The following TEX30 variants were observed in gnomAD, a reference collection of about 807,000 sequenced individuals.
TEX30 encodes the protein testis expressed 30.
Under a neutral mutation model 23.8 loss-of-function variants are expected in TEX30, and 14 were observed. That is an observed-to-expected ratio of 0.59 (90% confidence interval 0.39 to 0.92). The LOEUF is 0.92. Ranked by LOEUF, TEX30 falls within the 40% of genes least tolerant of loss-of-function variation. The pLI is 0.00. For missense variants in TEX30, 246 were observed against 270.6 expected, an observed-to-expected ratio of 0.91 and a Z score of 0.64; for synonymous variants, 78 against 90.2, an observed-to-expected ratio of 0.87 and a Z score of 0.76.
At position 102,767,292 on chromosome 13, in the gene TEX30, G is replaced by A. The variant is rs891979476; in HGVS notation, c.485C>T (p.Ala162Val). ...ATTCACCTTTTCACACATTTCATCT[G>A]CTGAGCCTGACACAAACAGTACAGG... ...KEPVLFVSGS[A>V]DEMCEKNLLE... Residue 162 changes from alanine (A) to valine (V), a missense_variant, in exon 5 of 6, where the codon GCA becomes GTA. Physicochemically the swap from Ala to Val is moderately conservative, Grantham distance 64 (BLOSUM62 0). Transcript: ENST00000376032. 3.1e-6 allele frequency: 5 copies of A among 1,613,436 alleles called. No individual in the cohort carries two copies. The East Asian group carries it at 1.1e-4, about 36-fold the overall frequency.
Position 102,767,335 on chromosome 13 carries a change from G to C in TEX30, c.442C>G (p.Leu148Val), listed in dbSNP as rs1480573826. ...AGTACAGGCTCTTTTAAACGAAAGA[G>C]GTCTTCATCTCTGAGTTTATGCTGC... The part of the protein sequence containing the change: ...KQQHKLRDED[L>V]FRLKEPVLFV... The change falls in exon 5 of 6, where the codon CTC (leucine) becomes GTC (valine). Residue 148 changes from leucine (L) to valine (V), a missense_variant. Leu to Val is a conservative substitution (Grantham distance 32). Coordinates refer to ENST00000376032, the MANE Select transcript of TEX30 (RefSeq NM_138779.5). 1.2e-6 allele frequency: 2 copies of C among 1,613,964 alleles called. No homozygotes were observed. The highest frequency in any genetic ancestry group is 1.7e-6 in the Non-Finnish European group (2 of 1,180,034).
chr13:102,770,397 G>T (rs1275924779), intron 1 of TEX30: 7 of 162,108 alleles, frequency 4.3e-5, no homozygotes, highest in Non-Finnish European at 8.0e-5. Flanking sequence ...ACACATTTTT[G>T]TAAGAATCTT....
At chr13:102,766,708 A>G in intron 5 of TEX30, 128 bp from the exon 6 acceptor site, 2 of 812,142 alleles carry the variant, frequency 2.5e-6, no homozygotes, top group Non-Finnish European at 3.6e-6. Flanking sequence ...ACAACTTTCT[A>G]GGTAATAGAA....
chr13:102,773,264 G>A (rs1877455472), intron 1 of TEX30, among the ~76,000 whole-genome samples: 1 of 152,200 alleles, frequency 6.6e-6, no homozygotes, highest in African/African-American at 2.4e-5. Flanking sequence ...AATTCAAAGC[G>A]GGTCTCACGG....
Position 102,767,261 on chromosome 13 carries a change from G to A in TEX30, c.504+12C>T, listed in dbSNP as rs2139023184. 1 of 1,608,318 alleles carries A rather than the reference G, an allele frequency of 6.2e-7. No individual in the cohort carries two copies. Among genetic ancestry groups the A allele is most frequent in the African/African-American group, 1.3e-5 (1 of 74,922 alleles). On this transcript the variant is annotated intron_variant, in intron 5 of 5. Transcript: ENST00000376032. ...TCTCTTTCATTGACACAAACATTGA[G>A]TTATAATTCACCTTTTCACACATTT...
intron 1 of TEX30, among the ~76,000 whole-genome samples, chr13:102,771,943 T>G (rs1877351457): frequency 6.6e-6 from 1 of 152,234 alleles, no homozygotes; most frequent in Non-Finnish European, 1.5e-5. Flanking sequence ...TTGAAGATTC[T>G]GTGGTTAATA....
chr13:102,767,881 C>A (rs1328721457), intron 4 of TEX30, among the ~76,000 whole-genome samples: 2 of 152,022 alleles, frequency 1.3e-5, no homozygotes, highest in African/African-American at 4.8e-5. Flanking sequence ...CCACTGCACT[C>A]CAGCCTGGGT....
chr13:102,769,093 C>T (rs1390732234), intron 3 of TEX30, among the ~76,000 whole-genome samples: 2 of 152,102 alleles, frequency 1.3e-5, no homozygotes, highest in African/African-American at 2.4e-5. Flanking sequence ...GGCAATATCA[C>T]GGAGGAACAT....
chr13:102,768,593 T>C (rs1389595112), intron 3 of TEX30, among the ~76,000 whole-genome samples: 1 of 152,240 alleles, frequency 6.6e-6, no homozygotes, highest in Non-Finnish European at 1.5e-5. Context: ...TAGAGAATTA[T>C]TTTTTAAAAA....
At chr13:102,767,964 A>G (rs1877025825) in intron 4 of TEX30, among the ~76,000 whole-genome samples, 1 of 152,160 alleles carries the variant, frequency 6.6e-6, no homozygotes, top group African/African-American at 2.4e-5. Context: ...AAAGGCAATT[A>G]TTTTTCTAAA....
Position 102,771,202 on chromosome 13 carries a change from C to CA in TEX30, c.-60-1117dup, listed in dbSNP as rs557065186. 2.3e-3 allele frequency among the ~76,000 whole-genome samples: 352 copies of CA among 152,160 alleles called. 2 individuals are homozygous for CA. The highest frequency in any genetic ancestry group is 8.0e-3 in the African/African-American group (334 of 41,498). On this transcript the variant is annotated intron_variant, in intron 1 of 5. Coordinates refer to ENST00000376032, the MANE Select transcript of TEX30 (RefSeq NM_138779.5). Reference sequence around the variant, plus strand: ...ATTCCTGGGGAAGGAATCGCTGTGTCAAAGGGTTTGTTCATAATTTTTTAC... The same window carrying CA: ...ATTCCTGGGGAAGGAATCGCTGTGTCAAAAGGGTTTGTTCATAATTTTTTAC...
chr13:102,772,188 G>A (rs921796191), intron 1 of TEX30, among the ~76,000 whole-genome samples: 1 of 151,522 alleles, frequency 6.6e-6, no homozygotes, highest in Non-Finnish European at 1.5e-5. Context: ...CGGACAGGCC[G>A]GAAAATTGAG....
chr13:102,768,350 A>G (rs1314908764), intron 3 of TEX30, 39 bp from the exon 4 acceptor site: 1 of 1,451,256 alleles, frequency 6.9e-7, no homozygotes, highest in Non-Finnish European at 9.4e-7. Context: ...TCACCTATAA[A>G]ATATTCCACT....
In TEX30 at chr13:102,766,363, A is replaced by AT; in HGVS notation, c.*37dup. 1.3e-6 allele frequency: 2 copies of AT among 1,548,290 alleles called. No homozygotes were observed. Among genetic ancestry groups the AT allele is most frequent in the East Asian group, 2.3e-5 (1 of 44,174 alleles). Reference sequence around the variant, plus strand: ...TGAGAGGCATACTCTTCTTTATCAAATTAACTGTATGTGTACTCAAGATAA... The same window carrying AT: ...TGAGAGGCATACTCTTCTTTATCAAATTTAACTGTATGTGTACTCAAGATAA... On this transcript the variant is annotated 3_prime_UTR_variant, in exon 6 of 6. Coordinates refer to ENST00000376032, the MANE Select transcript of TEX30 (RefSeq NM_138779.5).
chr13:102,772,206 A>G (rs1051668126), intron 1 of TEX30, among the ~76,000 whole-genome samples: 1 of 151,970 alleles, frequency 6.6e-6, no homozygotes, highest in African/African-American at 2.4e-5. Flanking sequence ...GAGTGGCGCA[A>G]TCATAAGCTC....
rs1876836303 is a variant in TEX30 at position 102,765,944 on chromosome 13, A to AC, written c.*456dup. On this transcript the variant is annotated 3_prime_UTR_variant, in exon 6 of 6. Transcript: ENST00000376032. ...AATCTTCAGGGTCCCCATATTTGAA[A>AC]CATATGTCCACTCCTATCCTTTCAT... 1 of 152,290 alleles carries AC rather than the reference A, an allele frequency of 6.6e-6. No homozygotes were observed. The highest frequency in any genetic ancestry group is 1.5e-5 in the Non-Finnish European group (1 of 68,104). The allele number at this position is 152,290 out of a possible 1,614,324, so 9.4% of individuals were successfully genotyped here.
intron 3 of TEX30, among the ~76,000 whole-genome samples, chr13:102,768,529 G>A (rs1237027061): frequency 6.6e-6 from 1 of 152,044 alleles, no homozygotes; most frequent in African/African-American, 2.4e-5. Flanking sequence ...GCAAATATGT[G>A]AGAAAAAAAG....
intron 1 of TEX30, among the ~76,000 whole-genome samples, chr13:102,772,428 C>T (rs554513703): frequency 6.6e-6 from 1 of 152,188 alleles, no homozygotes; most frequent in African/African-American, 2.4e-5. Context: ...GATCCCAAGG[C>T]GTTTGCCACC....
intron 1 of TEX30, among the ~76,000 whole-genome samples, chr13:102,772,228 G>A (rs1227696136): frequency 2.0e-5 from 3 of 151,550 alleles, no homozygotes; most frequent in Admixed American, 6.6e-5. Context: ...CTGAATCCTC[G>A]AACTCCTGAG....
Sources: allele counts gnomAD v4.1 joint callset (sites outside exome capture counted in the v4.1 genomes callset), GRCh38; gene constraint gnomAD v4.1.1; transcripts MANE v1.5; gene names NCBI Gene and HGNC (gene_info 2026-07-23, HGNC 2026-07-21).